The following TRPM3 variants were observed in gnomAD, a reference collection of about 807,000 sequenced individuals.
TRPM3 encodes the protein long transient receptor potential channel 3.
A neutral mutation model predicts 181.2 loss-of-function variants in TRPM3; 77 were observed. The ratio of observed to expected loss-of-function variants is 0.42; its 90% CI spans 0.35 to 0.51. The LOEUF is 0.51. TRPM3 is among the 20% of genes least tolerant of loss of function. The pLI, the probability that TRPM3 is intolerant of heterozygous loss-of-function variation, is 0.01. For missense variants in TRPM3, 1,759 were observed against 2,196.7 expected, an observed-to-expected ratio of 0.80 and a Z score of 3.98; for synonymous variants, 745 against 796.4, an observed-to-expected ratio of 0.94 and a Z score of 1.09.
At chr9:71,367,010 G>T (rs1279327369) in intron 1 of TRPM3, among the ~76,000 whole-genome samples, 1 of 152,094 alleles carries the variant, frequency 6.6e-6, no homozygotes, top group Admixed American at 6.6e-5. Flanking sequence ...ATGATGAATA[G>T]AATAACAATT....
At chr9:70,845,570 T>C (rs1349188950) in intron 4 of TRPM3, among the ~76,000 whole-genome samples, 1 of 152,172 alleles carries the variant, frequency 6.6e-6, no homozygotes, top group Non-Finnish European at 1.5e-5. Flanking sequence ...AACTAACTGG[T>C]CCAGAGTTAT....
intron 1 of TRPM3, among the ~76,000 whole-genome samples, chr9:71,283,686 G>C (rs1367720018): frequency 6.6e-6 from 1 of 152,178 alleles, no homozygotes; most frequent in African/African-American, 2.4e-5. Context: ...GTGGGCACTT[G>C]GGTATCACAA....
chr9:71,316,380 A>G (rs2088592701), intron 1 of TRPM3, among the ~76,000 whole-genome samples: 1 of 152,160 alleles, frequency 6.6e-6, no homozygotes, highest in Admixed American at 6.6e-5. Context: ...TGACATCTCA[A>G]AGATGTCCAT....
chr9:71,218,335 A>T (rs1376268390), intron 1 of TRPM3, among the ~76,000 whole-genome samples: 2 of 152,192 alleles, frequency 1.3e-5, no homozygotes, highest in African/African-American at 4.8e-5. Context: ...ATATTAATTC[A>T]TTTAATCATA....
At chr9:70,904,170 C>T (rs995769212) in intron 1 of TRPM3, among the ~76,000 whole-genome samples, 1 of 152,094 alleles carries the variant, frequency 6.6e-6, no homozygotes, top group African/African-American at 2.4e-5. Context: ...CTGCAGTGAG[C>T]CCTGACTGTG....
intron 1 of TRPM3, among the ~76,000 whole-genome samples, chr9:71,134,012 TGTGC>T (rs1474125089): frequency 3.8e-5 from 5 of 131,426 alleles, no homozygotes; most frequent in African/African-American, 1.3e-4. Flanking sequence ...TGTGTGTGTG[TGTGC>T]GCGTGCGCGC....
At chr9:70,657,361 G>A (rs1054769794) in intron 9 of TRPM3, among the ~76,000 whole-genome samples, 4 of 151,004 alleles carry the variant, frequency 2.6e-5, no homozygotes, top group African/African-American at 9.7e-5. Flanking sequence ...CCCTTTTAAA[G>A]GCCACGAAAT....
intron 6 of TRPM3, among the ~76,000 whole-genome samples, chr9:70,821,900 T>C (rs983858499): frequency 2.0e-5 from 3 of 152,220 alleles, no homozygotes; most frequent in African/African-American, 4.8e-5. Flanking sequence ...CATACAACTC[T>C]GATGATTCAT....
chr9:70,777,216 C>G (rs557556580), intron 7 of TRPM3, among the ~76,000 whole-genome samples: 2 of 151,824 alleles, frequency 1.3e-5, no homozygotes, highest in African/African-American at 4.8e-5. Context: ...ATGTTTTCTC[C>G]GACATTTGCT....
intron 6 of TRPM3, among the ~76,000 whole-genome samples, chr9:70,787,828 G>C (rs1431208585): frequency 9.4e-6 from 1 of 106,604 alleles, no homozygotes; most frequent in Admixed American, 1.1e-4. Context: ...GTTTTAAATG[G>C]TTTATTGAAG....
chr9:70,923,784 A>AACAC (rs34727893), intron 1 of TRPM3, among the ~76,000 whole-genome samples: 9,755 of 133,610 alleles, frequency 0.073, 411 homozygotes, highest in Non-Finnish European at 0.086. Context: ...CAACACAAAT[A>AACAC]ACACACACAC....
intron 1 of TRPM3, among the ~76,000 whole-genome samples, chr9:71,195,255 T>A (rs1444254564): frequency 6.6e-6 from 1 of 152,022 alleles, no homozygotes; most frequent in Admixed American, 6.6e-5. Context: ...TTGCAAATTA[T>A]GCATCTGACA....
chr9:70,958,459 T>C (rs895767982), intron 1 of TRPM3, among the ~76,000 whole-genome samples: 1 of 152,170 alleles, frequency 6.6e-6, no homozygotes, highest in African/African-American at 2.4e-5. Context: ...CCTGACTTTT[T>C]AATGATTGCC....
chr9:70,682,814 C>G (rs2065805126), intron 8 of TRPM3, among the ~76,000 whole-genome samples: 1 of 152,164 alleles, frequency 6.6e-6, no homozygotes, highest in South Asian at 2.1e-4. Flanking sequence ...TCAACTGTTT[C>G]ATGCCTCGAG....
intron 1 of TRPM3, among the ~76,000 whole-genome samples, chr9:70,992,721 C>T (rs1032687977): frequency 6.6e-6 from 1 of 152,008 alleles, no homozygotes; most frequent in Admixed American, 6.6e-5. Context: ...GCAGTGGATA[C>T]CATATTGACA....
intron 6 of TRPM3, among the ~76,000 whole-genome samples, chr9:70,792,262 C>T (rs947920973): frequency 2.0e-5 from 3 of 152,082 alleles, no homozygotes; most frequent in African/African-American, 4.8e-5. Flanking sequence ...GGGAGATGGG[C>T]TTCCAGGGCA....
intron 6 of TRPM3, among the ~76,000 whole-genome samples, chr9:70,808,120 T>G (rs542786679): frequency 1.6e-4 from 24 of 152,140 alleles, no homozygotes; most frequent in Non-Finnish European, 2.6e-4. Flanking sequence ...TAGTTAGCAA[T>G]GAAATAAGGA....
At chr9:71,048,230 T>G (rs897707664) in intron 1 of TRPM3, among the ~76,000 whole-genome samples, 2 of 152,224 alleles carry the variant, frequency 1.3e-5, no homozygotes, top group Non-Finnish European at 2.9e-5. Context: ...CAGCCAAGAC[T>G]GGTGTCCTGT....
intron 1 of TRPM3, among the ~76,000 whole-genome samples, chr9:71,092,223 G>A (rs771212381): frequency 6.6e-6 from 1 of 152,140 alleles, no homozygotes; most frequent in Non-Finnish European, 1.5e-5. Context: ...GTTGATGGCT[G>A]TAAAATGGGA....
Sources: gnomAD v4.1 joint callset for allele counts (sites outside exome capture counted in the v4.1 genomes callset) on GRCh38, gnomAD v4.1.1 for gene constraint, MANE v1.5 for transcripts, NCBI Gene and HGNC (gene_info 2026-07-23, HGNC 2026-07-21) for gene names.